NRXN3: variants seen among roughly 807,000 people sequenced by gnomAD.
NRXN3 encodes neurexin 3.
NRXN3 carries 32 observed loss-of-function variants against 137.6 expected under a neutral mutation model. The observed-to-expected ratio is 0.23, with a 90% CI of 0.18 to 0.31. The LOEUF (loss-of-function observed/expected upper bound fraction) is 0.31. NRXN3 is among the 10% of genes least tolerant of loss of function. The pLI is 1.00. For missense variants in NRXN3, 1,574 were observed against 2,062.5 expected (o/e 0.76, Z 4.59); for synonymous variants, 798 against 784.5 (o/e 1.02, Z -0.29).
At chr14:78,964,010 C>A (rs1025670145) in intron 11 of NRXN3, among the ~76,000 whole-genome samples, 2 of 152,022 alleles carry the variant, frequency 1.3e-5, no homozygotes, top group African/African-American at 4.8e-5. Flanking sequence ...CTCAAGTAAT[C>A]TTTCTGTCTC....
intron 8 of NRXN3, among the ~76,000 whole-genome samples, chr14:78,736,854 A>G (rs1313529545): frequency 6.6e-6 from 1 of 152,246 alleles, no homozygotes; most frequent in Non-Finnish European, 1.5e-5. Context: ...AAAATAAAAT[A>G]GAGCAAGGGG....
At chr14:79,570,658 A>G (rs575152258) in intron 16 of NRXN3, 1 of 152,224 alleles carries the variant, frequency 6.6e-6, no homozygotes, top group Non-Finnish European at 1.5e-5. Flanking sequence ...ATAAATTGCC[A>G]TTCGTGATAA....
rs192554668 is a variant in NRXN3, at chr14:78,430,365, T to C, written c.757+132505T>C. On this transcript the variant is annotated intron_variant, in intron 4 of 20. Coordinates refer to ENST00000335750, the MANE Select transcript of NRXN3 (RefSeq NM_001330195.2). ...GGGTGAACCCTGGGAATTAGTATTTTTAGAGGCACTCTTCTAGCGTTACTA... is the reference window on the plus strand; with the variant it reads ...GGGTGAACCCTGGGAATTAGTATTTCTAGAGGCACTCTTCTAGCGTTACTA... 2.4e-4 allele frequency among the ~76,000 whole-genome samples: 37 copies of C among 152,372 alleles called. No individual in the cohort carries two copies. The East Asian group carries it at 7.1e-3, about 29-fold the overall frequency.
intron 10 of NRXN3, among the ~76,000 whole-genome samples, chr14:78,933,122 A>G (rs990303260): frequency 2.6e-5 from 4 of 152,230 alleles, no homozygotes; most frequent in Non-Finnish European, 5.9e-5. Context: ...TACTGAAATG[A>G]TGAAGTTACT....
At chr14:78,445,608 T>C (rs1298912055) in intron 4 of NRXN3, among the ~76,000 whole-genome samples, 1 of 152,186 alleles carries the variant, frequency 6.6e-6, no homozygotes, top group African/African-American at 2.4e-5. Flanking sequence ...ACAGCTTTAT[T>C]ATCTTAAAGC....
rs2098718792 is a variant in NRXN3 at position 79,692,048 on chromosome 14, C to T, written c.3617-125C>T. 4 of 661,154 alleles carry T rather than the reference C, an allele frequency of 6.1e-6. No homozygotes were observed. The South Asian group carries it at 6.3e-5, about 10-fold the overall frequency. The allele number at this position is 661,154 out of a possible 1,614,324, so 41.0% of individuals were successfully genotyped here. ...GGGCAGAGTGACTTCAACTCCACCT[C>T]TACTAAAGATAAATTGATATCTATC... On this transcript the variant is annotated intron_variant, in intron 17 of 20. Coordinates refer to ENST00000335750, the MANE Select transcript of NRXN3 (RefSeq NM_001330195.2).
chr14:78,989,380 TC>T (rs2099513947), intron 15 of NRXN3, among the ~76,000 whole-genome samples: 1 of 152,152 alleles, frequency 6.6e-6, no homozygotes, highest in Non-Finnish European at 1.5e-5. Flanking sequence ...GTAGTTTTGG[TC>T]CCATATGCTC....
Position 79,467,937 on chromosome 14 carries a change from G to A in NRXN3, c.3444+535G>A, listed in dbSNP as rs948418229. On this transcript the variant is annotated intron_variant, in intron 16 of 20. Coordinates refer to ENST00000335750, the MANE Select transcript of NRXN3 (RefSeq NM_001330195.2). ...CATGAGACTGTATTCCAATAAAAAT[G>A]CATCTATAAAAACAAGCTGCAGGCC... Among the ~76,000 whole-genome samples, 4 of 152,294 alleles carry A rather than the reference G, an allele frequency of 2.6e-5. No homozygotes were observed. In the East Asian group the frequency reaches 7.7e-4, roughly 29 times the overall value.
intron 6 of NRXN3, among the ~76,000 whole-genome samples, chr14:78,656,563 T>G (rs1161536251): frequency 1.3e-5 from 2 of 152,106 alleles, no homozygotes; most frequent in Non-Finnish European, 2.9e-5. Context: ...CTTTATTTCA[T>G]GCTATACCCT....
chr14:79,030,449 CT>C (rs2099605922), intron 15 of NRXN3, among the ~76,000 whole-genome samples: 1 of 152,014 alleles, frequency 6.6e-6, no homozygotes, highest in African/African-American at 2.4e-5. Flanking sequence ...TCACAAACCC[CT>C]CCTCTCCACC....
At chr14:78,213,539 C>T (rs1180131085) in intron 1 of NRXN3, among the ~76,000 whole-genome samples, 2 of 152,160 alleles carry the variant, frequency 1.3e-5, no homozygotes, top group African/African-American at 4.8e-5. Flanking sequence ...GGGAAGTCCC[C>T]AAGCAAGAGT....
intron 7 of NRXN3, among the ~76,000 whole-genome samples, chr14:78,714,124 C>A (rs1037648982): frequency 2.0e-5 from 3 of 152,148 alleles, no homozygotes; most frequent in African/African-American, 7.2e-5. Context: ...ACAGGGAATG[C>A]TCAAAATATT....
At chr14:78,174,331 A>C (rs984261897) in intron 1 of NRXN3, among the ~76,000 whole-genome samples, 7 of 152,090 alleles carry the variant, frequency 4.6e-5, no homozygotes, top group Non-Finnish European at 8.8e-5. Flanking sequence ...CACACACACC[A>C]ACACGCACAG....
chr14:79,261,601 C>G (rs1208315091), intron 15 of NRXN3, among the ~76,000 whole-genome samples: 1 of 59,180 alleles, frequency 1.7e-5, no homozygotes, highest in African/African-American at 7.2e-5. Context: ...AAGAAAGGTG[C>G]TGTGTGTGTG....
intron 1 of NRXN3, among the ~76,000 whole-genome samples, chr14:78,189,870 C>T (rs952645336): frequency 2.0e-5 from 3 of 152,170 alleles, no homozygotes; most frequent in African/African-American, 7.2e-5. Context: ...CATAGATGAG[C>T]CTCATTGTGG....
intron 4 of NRXN3, among the ~76,000 whole-genome samples, chr14:78,334,674 G>A (rs1271039711): frequency 6.6e-6 from 1 of 152,196 alleles, no homozygotes; most frequent in Non-Finnish European, 1.5e-5. Flanking sequence ...TACTAGCAAA[G>A]TGGGAGATTT....
At chr14:78,172,901 G>A (rs1193297469) in intron 1 of NRXN3, among the ~76,000 whole-genome samples, 1 of 152,086 alleles carries the variant, frequency 6.6e-6, no homozygotes, top group Non-Finnish European at 1.5e-5. Context: ...AATTATTGGG[G>A]TTTTGACGGC....
At chr14:79,812,719 T>G (rs568110391) in intron 20 of NRXN3, among the ~76,000 whole-genome samples, 82 of 152,282 alleles carry the variant, frequency 5.4e-4, no homozygotes, top group African/African-American at 1.9e-3. Flanking sequence ...TTTGGGGACT[T>G]CACATATACA....
intron 4 of NRXN3, among the ~76,000 whole-genome samples, chr14:78,344,270 C>T (rs2082459603): frequency 6.6e-6 from 1 of 152,190 alleles, no homozygotes. Context: ...GTGGACAAGA[C>T]TTATCCTTGG....
Sources: allele counts gnomAD v4.1 joint callset (sites outside exome capture counted in the v4.1 genomes callset), GRCh38; gene constraint gnomAD v4.1.1; transcripts MANE v1.5; gene names NCBI Gene and HGNC (gene_info 2026-07-23, HGNC 2026-07-21).